The following PCDH15 variants were observed in gnomAD, a reference collection of about 807,000 sequenced individuals.
The protein encoded by PCDH15 is protocadherin related 15.
In PCDH15, 129 loss-of-function variants were observed where a neutral mutation model predicts 178.5. The observed-to-expected ratio is 0.72, with a 90% CI of 0.63 to 0.84. The LOEUF (loss-of-function observed/expected upper bound fraction) is 0.84. Ranked by LOEUF, PCDH15 falls within the 40% of genes least tolerant of loss-of-function variation. The probability of loss-of-function intolerance (pLI) is 0.00; values close to 1 mark genes in which losing one functional copy is unlikely to be tolerated. For synonymous variants in PCDH15, 800 were observed against 732.0 expected (o/e 1.09, Z -1.50); for missense variants, 2,230 against 2,099.9 (o/e 1.06, Z -1.21).
At position 53,831,414 on chromosome 10, in the gene PCDH15, T is replaced by C. The variant is rs111033449; in HGVS notation, c.4103A>G (p.Glu1368Gly). Residue 1368 changes from glutamate (E) to glycine (G), a missense_variant, in exon 30 of 38, where the codon GAA (glutamate) becomes GGA (glycine). Coordinates refer to ENST00000644397, the MANE Select transcript of PCDH15 (RefSeq NM_001384140.1). The part of the protein sequence containing the change: ...EAVTSIKKRG[E>G]SLGYTEGALL... ...GGCCCCTTCTGTGTATCCTAGACTT[T>C]CTCCTCTCTTTTTAATGCTGGTCAC... The C allele has an allele frequency of 1.2e-4, 188 of 1,613,954 alleles. 1 individual carries two copies. The highest frequency in any genetic ancestry group is 4.2e-5 in the Non-Finnish European group (50 of 1,180,008).
chr10:55,379,689 T>C (rs1837486356), intron 2 of PCDH15, among the ~76,000 whole-genome samples: 1 of 152,054 alleles, frequency 6.6e-6, no homozygotes, highest in Non-Finnish European at 1.5e-5. Context: ...ATACTATATT[T>C]ACCCCCACAT....
intron 2 of PCDH15, among the ~76,000 whole-genome samples, chr10:55,612,401 AT>A (rs1382576454): frequency 6.6e-6 from 1 of 152,110 alleles, no homozygotes; most frequent in Non-Finnish European, 1.5e-5. Flanking sequence ...TTTCCTGAAA[AT>A]TAAAATTGAA....
chr10:55,138,986 T>A (rs955522477), intron 2 of PCDH15, among the ~76,000 whole-genome samples: 3 of 152,118 alleles, frequency 2.0e-5, no homozygotes, highest in African/African-American at 4.8e-5. Context: ...TGTATAGGTA[T>A]GTTATACTTT....
At chr10:54,403,145 G>C (rs1199484861) in intron 3 of PCDH15, among the ~76,000 whole-genome samples, 1 of 151,966 alleles carries the variant, frequency 6.6e-6, no homozygotes, top group Non-Finnish European at 1.5e-5. Flanking sequence ...GATCTGAATA[G>C]AAGATCAAAC....
At chr10:55,418,995 A>C (rs1838553770) in intron 2 of PCDH15, among the ~76,000 whole-genome samples, 1 of 151,762 alleles carries the variant, frequency 6.6e-6, no homozygotes, top group Non-Finnish European at 1.5e-5. Context: ...TTGTTTTATA[A>C]GGTTGAATTA....
At chr10:55,602,962 C>T (rs1290448198) in intron 2 of PCDH15, among the ~76,000 whole-genome samples, 3 of 151,906 alleles carry the variant, frequency 2.0e-5, no homozygotes, top group African/African-American at 4.8e-5. Context: ...GAAATTCAAA[C>T]GAAAGGCAAA....
chr10:54,415,154 G>A (rs781208760), intron 3 of PCDH15, among the ~76,000 whole-genome samples: 1 of 151,882 alleles, frequency 6.6e-6, no homozygotes, highest in East Asian at 1.9e-4. Context: ...TGATAAGAAA[G>A]TACATTGTGG....
At chr10:55,263,007 G>A (rs1042221028) in intron 1 of PCDH15, among the ~76,000 whole-genome samples, 1 of 152,088 alleles carries the variant, frequency 6.6e-6, no homozygotes, top group Non-Finnish European at 1.5e-5. Flanking sequence ...TGAACAGTGG[G>A]GCACCAAATA....
chr10:53,953,676 TA>T (rs1397326176), intron 23 of PCDH15, among the ~76,000 whole-genome samples: 2 of 152,198 alleles, frequency 1.3e-5, no homozygotes, highest in African/African-American at 4.8e-5. Flanking sequence ...AATGACAACC[TA>T]ATTTATTTTA....
Position 53,908,286 on chromosome 10 carries a change from C to T in PCDH15, c.3374-4916G>A, listed in dbSNP as rs899120056. Among the ~76,000 whole-genome samples, 4 of 152,034 alleles carry T rather than the reference C, an allele frequency of 2.6e-5. No individual in the cohort carries two copies. The South Asian group carries it at 6.2e-4, about 24-fold the overall frequency. On this transcript the variant is annotated intron_variant, in intron 25 of 37. Transcript: ENST00000644397. The stretch of plus-strand genomic sequence containing the variant: ...CAAACAAAATATTTGGGCCAAAATG[C>T]CATTAGTGATGAGGCTGAGAAACCC...
chr10:54,381,461 C>T (rs988581428), intron 3 of PCDH15, among the ~76,000 whole-genome samples: 4 of 152,126 alleles, frequency 2.6e-5, no homozygotes, highest in African/African-American at 9.7e-5. Context: ...CGTTACTTTG[C>T]AAGCTTCCCT....
chr10:55,356,349 G>C (rs1845080753), intron 2 of PCDH15, among the ~76,000 whole-genome samples: 1 of 151,732 alleles, frequency 6.6e-6, no homozygotes, highest in Non-Finnish European at 1.5e-5. Context: ...AAAGAAAAGA[G>C]AATAATAGTT....
chr10:55,069,054 T>C (rs899889829), intron 2 of PCDH15, among the ~76,000 whole-genome samples: 2 of 122,612 alleles, frequency 1.6e-5, no homozygotes, highest in Admixed American at 1.8e-4. Context: ...TGTTCCACCA[T>C]GTCCAGCTAT....
intron 2 of PCDH15, among the ~76,000 whole-genome samples, chr10:55,620,208 T>G (rs556697278): frequency 6.6e-6 from 1 of 152,154 alleles, no homozygotes; most frequent in Admixed American, 6.5e-5. Flanking sequence ...GTATTCTAAA[T>G]ACCAATTGAA....
At chr10:55,563,648 C>T (rs754667599) in intron 2 of PCDH15, among the ~76,000 whole-genome samples, 3 of 150,088 alleles carry the variant, frequency 2.0e-5, no homozygotes, top group Non-Finnish European at 4.4e-5. Flanking sequence ...ATAGAGTCAC[C>T]GAGAAAGACT....
At chr10:55,181,709 C>T (rs1254056360) in intron 1 of PCDH15, among the ~76,000 whole-genome samples, 1 of 151,860 alleles carries the variant, frequency 6.6e-6, no homozygotes, top group Non-Finnish European at 1.5e-5. Context: ...ATTATGTGCA[C>T]TTCTATATTA....
intron 2 of PCDH15, among the ~76,000 whole-genome samples, chr10:55,088,419 C>T (rs1480400335): frequency 1.3e-5 from 2 of 151,888 alleles, no homozygotes; most frequent in Admixed American, 6.6e-5. Flanking sequence ...CAGTTGTGCG[C>T]CACCATGCCA....
At chr10:54,720,888 A>C (rs539912717) in intron 1 of PCDH15, among the ~76,000 whole-genome samples, 3 of 152,086 alleles carry the variant, frequency 2.0e-5, no homozygotes, top group African/African-American at 7.2e-5. Flanking sequence ...TAGACCAAGT[A>C]GACATAATAG....
At chr10:54,078,801 A>T (rs1286046837) in intron 17 of PCDH15, among the ~76,000 whole-genome samples, 1 of 151,844 alleles carries the variant, frequency 6.6e-6, no homozygotes, top group African/African-American at 2.4e-5. Context: ...AATAGAATTT[A>T]TCTTCTTTGG....
Sources: allele counts gnomAD v4.1 joint callset (sites outside exome capture counted in the v4.1 genomes callset), GRCh38; gene constraint gnomAD v4.1.1; transcripts MANE v1.5; gene names NCBI Gene and HGNC (gene_info 2026-07-23, HGNC 2026-07-21).